Variants in FANCC observed in about 807,000 individuals in gnomAD.
The protein encoded by FANCC is FA complementation group C.
In FANCC, 55 loss-of-function variants were observed where a neutral mutation model predicts 71.3. The observed-to-expected ratio is 0.77, with a 90% confidence interval of 0.62 to 0.97. The LOEUF (loss-of-function observed/expected upper bound fraction) is 0.97, where lower values mean the gene tolerates loss of function less well. Ranked by LOEUF, FANCC falls within the 50% of genes least tolerant of loss-of-function variation. The pLI, the probability that FANCC is intolerant of heterozygous loss-of-function variation, is 0.00. For synonymous variants in FANCC, 275 were observed against 244.9 expected, an observed-to-expected ratio of 1.12 and a Z score of -1.15; for missense variants, 678 against 670.9, an observed-to-expected ratio of 1.01 and a Z score of -0.12.
In FANCC at chr9:95,150,173, A is replaced by G. The variant is rs1830093726; in HGVS notation, c.522-86T>C. On this transcript the variant is annotated intron_variant, in intron 6 of 14. Transcript: ENST00000289081. ...TAAAAACCTTCATGCTAAAAAGGTCAAAGACAGATCACCTGTTTTGCCTCT... is the reference window on the plus strand; with the variant it reads ...TAAAAACCTTCATGCTAAAAAGGTCGAAGACAGATCACCTGTTTTGCCTCT... 2.1e-6 allele frequency: 3 copies of G among 1,419,594 alleles called. No homozygotes were observed. In the South Asian group the frequency reaches 3.6e-5, roughly 17 times the overall value. The allele number at this position is 1,419,594 out of a possible 1,614,324, so 87.9% of individuals were successfully genotyped here.
intron 12 of FANCC, 80 bp from the exon 13 acceptor site, chr9:95,111,717 G>C: frequency 6.5e-7 from 1 of 1,544,150 alleles, no homozygotes; most frequent in Non-Finnish European, 8.9e-7. Flanking sequence ...TTTAACGTTT[G>C]CCAACGGTTG....
intron 4 of FANCC, among the ~76,000 whole-genome samples, chr9:95,201,184 A>G (rs1287930503): frequency 6.6e-6 from 1 of 152,182 alleles, no homozygotes; most frequent in African/African-American, 2.4e-5. Context: ...CAACATTTGA[A>G]GTACACGTTA....
intron 14 of FANCC, among the ~76,000 whole-genome samples, chr9:95,102,950 C>T (rs1209930539): frequency 6.6e-6 from 1 of 152,208 alleles, no homozygotes; most frequent in Non-Finnish European, 1.5e-5. Context: ...ACGGGGGCTC[C>T]GGCTGTAGCC....
At chr9:95,153,890 T>C (rs571394912) in intron 6 of FANCC, among the ~76,000 whole-genome samples, 79 of 152,216 alleles carry the variant, frequency 5.2e-4, no homozygotes, top group Non-Finnish European at 1.0e-3. Flanking sequence ...CTTTCAACCC[T>C]AATTAATTCT....
chr9:95,316,519 C>T (rs939930720), intron 1 of FANCC, among the ~76,000 whole-genome samples: 11 of 152,204 alleles, frequency 7.2e-5, no homozygotes, highest in African/African-American at 2.2e-4. Flanking sequence ...CAAAAGTGCT[C>T]TGCTCATTTG....
intron 13 of FANCC, 44 bp downstream of exon 13, chr9:95,111,419 C>T: frequency 6.2e-7 from 1 of 1,601,478 alleles, no homozygotes; most frequent in Non-Finnish European, 8.5e-7. Flanking sequence ...CTCTCAGCCC[C>T]CCAGAGCCCA....
chr9:95,268,491 A>C (rs765096549), intron 1 of FANCC, among the ~76,000 whole-genome samples: 12 of 152,208 alleles, frequency 7.9e-5, no homozygotes, highest in Non-Finnish European at 1.5e-4. Context: ...CTACATATTT[A>C]TTTCTTTCTG....
At chr9:95,313,693 A>G (rs893006496) in intron 1 of FANCC, among the ~76,000 whole-genome samples, 6 of 152,220 alleles carry the variant, frequency 3.9e-5, no homozygotes, top group African/African-American at 1.2e-4. Context: ...TACCATGAAC[A>G]TAATACAAAA....
At position 95,247,518 on chromosome 9, in the gene FANCC, T is replaced by C. The variant is rs587777945; in HGVS notation, c.166-2A>G. On this transcript the variant is annotated splice_acceptor_variant, in intron 2 of 14. Coordinates refer to ENST00000289081, the MANE Select transcript of FANCC (RefSeq NM_000136.3). LOFTEE classifies it high-confidence loss of function. ...TCTTTCAATGACTGTATTAGAATCCTGTGAAAGAAAAATAAATTTTGGTCA... is the reference window on the plus strand; with the variant it reads ...TCTTTCAATGACTGTATTAGAATCCCGTGAAAGAAAAATAAATTTTGGTCA... The C allele has an allele frequency of 6.2e-7, 1 of 1,610,878 alleles. No individual in the cohort carries two copies. Among genetic ancestry groups the C allele is most frequent in the Admixed American group, 1.7e-5 (1 of 60,016 alleles).
intron 7 of FANCC, among the ~76,000 whole-genome samples, chr9:95,140,915 C>T (rs1731079103): frequency 6.6e-6 from 1 of 152,046 alleles, no homozygotes; most frequent in South Asian, 2.1e-4. Flanking sequence ...CCCAAACACA[C>T]CAGAATGTCT....
chr9:95,264,629 G>C (rs1023804014), intron 1 of FANCC, among the ~76,000 whole-genome samples: 2 of 152,020 alleles, frequency 1.3e-5, no homozygotes, highest in African/African-American at 4.8e-5. Flanking sequence ...TTTACCCTCA[G>C]CATGAGGTCC....
chr9:95,116,735 A>G (rs1564654942), intron 11 of FANCC, among the ~76,000 whole-genome samples: 1 of 152,328 alleles, frequency 6.6e-6, no homozygotes, highest in East Asian at 1.9e-4. Context: ...GATCAACACC[A>G]GTCGAATGAA....
At chr9:95,265,398 G>C (rs1337508331) in intron 1 of FANCC, among the ~76,000 whole-genome samples, 1 of 152,084 alleles carries the variant, frequency 6.6e-6, no homozygotes. Context: ...CTATTCTCTG[G>C]ACTTGGCTTC....
intron 1 of FANCC, among the ~76,000 whole-genome samples, chr9:95,283,572 C>G (rs1588414108): frequency 6.6e-6 from 1 of 152,252 alleles, no homozygotes; most frequent in East Asian, 1.9e-4. Context: ...TCTCAAAGAC[C>G]ACTTTTTTAA....
chr9:95,293,367 T>C (rs1402729063), intron 1 of FANCC: 1 of 1,593,680 alleles, frequency 6.3e-7, no homozygotes, highest in African/African-American at 1.3e-5. Context: ...GTGCACTTAC[T>C]GCCTGCCCTT....
intron 4 of FANCC, among the ~76,000 whole-genome samples, chr9:95,208,766 AG>A (rs1253488811): frequency 3.9e-5 from 6 of 152,352 alleles, no homozygotes; most frequent in Admixed American, 2.6e-4. Flanking sequence ...GTATAACAAC[AG>A]GAACTCTCAT....
At chr9:95,148,985 C>T (rs1257022569) in intron 7 of FANCC, among the ~76,000 whole-genome samples, 1 of 152,076 alleles carries the variant, frequency 6.6e-6, no homozygotes, top group Non-Finnish European at 1.5e-5. Flanking sequence ...ACAACACGTC[C>T]CACCAGAAGC....
intron 12 of FANCC, among the ~76,000 whole-genome samples, chr9:95,113,046 C>A (rs1266478005): frequency 6.6e-6 from 1 of 152,224 alleles, no homozygotes; most frequent in African/African-American, 2.4e-5. Context: ...TACGTCCTGT[C>A]CCCGAGTTAA....
At chr9:95,277,695 G>A (rs1196855212) in intron 1 of FANCC, among the ~76,000 whole-genome samples, 2 of 152,042 alleles carry the variant, frequency 1.3e-5, no homozygotes, top group Admixed American at 6.6e-5. Context: ...TTACTTACAA[G>A]GGAACCCCAA....
Sources: allele counts gnomAD v4.1 joint callset (sites outside exome capture counted in the v4.1 genomes callset), GRCh38; gene constraint gnomAD v4.1.1; transcripts MANE v1.5; gene names NCBI Gene and HGNC (gene_info 2026-07-23, HGNC 2026-07-21).